Variants in ROBO2 observed in about 807,000 individuals in gnomAD.
ROBO2 encodes the protein roundabout homolog 2.
ROBO2 carries 53 observed loss-of-function variants against 160.8 expected under a neutral mutation model. The ratio of observed to expected loss-of-function variants is 0.33; its 90% CI spans 0.26 to 0.41. The LOEUF (loss-of-function observed/expected upper bound fraction) is 0.41, where lower values mean the gene tolerates loss of function less well. Among genes scored for constraint, ROBO2 ranks in the 10% least tolerant of loss-of-function variants. The pLI is 1.00. For synonymous variants in ROBO2, 664 were observed against 611.7 expected (o/e 1.09, Z -1.26); for missense variants, 1,577 against 1,722.4 (o/e 0.92, Z 1.49).
intron 5 of ROBO2, among the ~76,000 whole-genome samples, chr3:77,495,951 T>C (rs2086729026): frequency 6.6e-6 from 1 of 152,226 alleles, no homozygotes; most frequent in Non-Finnish European, 1.5e-5. Flanking sequence ...ACCTGACAAC[T>C]TAAGCTGCTA....
chr3:76,437,663 T>G (rs974105143), intron 2 of ROBO2, among the ~76,000 whole-genome samples: 1 of 152,184 alleles, frequency 6.6e-6, no homozygotes, highest in South Asian at 2.1e-4. Flanking sequence ...AATTCCCCTT[T>G]GTAAACAAAG....
At chr3:76,132,939 C>T (rs531707341) in intron 2 of ROBO2, among the ~76,000 whole-genome samples, 1 of 152,200 alleles carries the variant, frequency 6.6e-6, no homozygotes. Flanking sequence ...AGTCTGGCTG[C>T]GACCCTTGGA....
intron 2 of ROBO2, among the ~76,000 whole-genome samples, chr3:76,534,732 G>A (rs553112275): frequency 5.3e-5 from 8 of 152,086 alleles, no homozygotes; most frequent in Admixed American, 6.5e-5. Flanking sequence ...TTATGAACAC[G>A]GGGTATATGA....
chr3:76,978,331 A>C (rs2149313648), intron 2 of ROBO2, among the ~76,000 whole-genome samples: 1 of 152,318 alleles, frequency 6.6e-6, no homozygotes, highest in South Asian at 2.1e-4. Context: ...CAATGCAAAT[A>C]TTTATATTAT....
chr3:77,258,636 A>AG (rs1386967501), intron 2 of ROBO2, among the ~76,000 whole-genome samples: 3 of 108,860 alleles, frequency 2.8e-5, no homozygotes, highest in African/African-American at 8.4e-5. Flanking sequence ...AAAAAAAAAA[A>AG]GGAAGAAAAA....
intron 13 of ROBO2, 25 bp downstream of exon 14, chr3:77,568,459 T>C (rs2153666111): frequency 1.2e-6 from 2 of 1,612,142 alleles, no homozygotes; most frequent in South Asian, 1.1e-5. Context: ...GCAATGTTAA[T>C]AGTAATCTCT....
At chr3:76,700,448 C>T (rs985812121) in intron 2 of ROBO2, among the ~76,000 whole-genome samples, 13 of 152,046 alleles carry the variant, frequency 8.6e-5, no homozygotes, top group African/African-American at 3.1e-4. Context: ...CAGAGAGACA[C>T]CAGTATATAT....
chr3:77,388,765 G>A (rs777065497), intron 2 of ROBO2, among the ~76,000 whole-genome samples: 15 of 152,054 alleles, frequency 9.9e-5, no homozygotes, highest in Non-Finnish European at 1.6e-4. Context: ...ATAGTAAATT[G>A]ACTGTAAATT....
intron 2 of ROBO2, among the ~76,000 whole-genome samples, chr3:76,818,447 T>C (rs578141240): frequency 6.6e-6 from 1 of 152,164 alleles, no homozygotes; most frequent in Non-Finnish European, 1.5e-5. Context: ...CTGTGGGTTG[T>C]CTTTTTACTC....
chr3:76,483,990 C>T (rs1243021895), intron 2 of ROBO2, among the ~76,000 whole-genome samples: 3 of 152,122 alleles, frequency 2.0e-5, no homozygotes, highest in Non-Finnish European at 2.9e-5. Context: ...GTTGATTACA[C>T]GTCTTTGCTA....
intron 2 of ROBO2, among the ~76,000 whole-genome samples, chr3:75,948,993 C>T (rs2107167287): frequency 6.6e-6 from 1 of 151,982 alleles, no homozygotes; most frequent in South Asian, 2.1e-4. Flanking sequence ...AAATAATGCA[C>T]CCTGAGGATT....
chr3:77,166,767 G>C (rs2079127619), intron 2 of ROBO2, among the ~76,000 whole-genome samples: 1 of 152,040 alleles, frequency 6.6e-6, no homozygotes, highest in African/African-American at 2.4e-5. Flanking sequence ...TCACCGGTTA[G>C]CCAGGATGGT....
chr3:76,191,599 G>T (rs978468153), intron 2 of ROBO2, among the ~76,000 whole-genome samples: 1 of 151,792 alleles, frequency 6.6e-6, no homozygotes, highest in South Asian at 2.1e-4. Flanking sequence ...ACTACCTTTA[G>T]TTCAATTCTG....
chr3:76,978,268 C>T (rs1425758189), intron 2 of ROBO2, among the ~76,000 whole-genome samples: 2 of 152,142 alleles, frequency 1.3e-5, no homozygotes, highest in Non-Finnish European at 2.9e-5. Flanking sequence ...TCTTAAGTAA[C>T]AACTAATTGC....
chr3:77,312,730 A>C (rs2153423750), intron 2 of ROBO2, among the ~76,000 whole-genome samples: 1 of 152,344 alleles, frequency 6.6e-6, no homozygotes, highest in Non-Finnish European at 1.5e-5. Flanking sequence ...GGGTACACAT[A>C]GTTTGCACTA....
chr3:76,077,448 A>C (rs2068680162), intron 2 of ROBO2, among the ~76,000 whole-genome samples: 1 of 152,146 alleles, frequency 6.6e-6, no homozygotes, highest in Non-Finnish European at 1.5e-5. Context: ...CTGTAGTCCC[A>C]GGTACTCAGG....
At chr3:77,191,676 T>C (rs1253118739) in intron 2 of ROBO2, among the ~76,000 whole-genome samples, 2 of 152,328 alleles carry the variant, frequency 1.3e-5, no homozygotes, top group East Asian at 1.9e-4. Flanking sequence ...GCTAATGCTG[T>C]TCCATTTAGT....
At chr3:76,446,347 C>T (rs2077180930) in intron 2 of ROBO2, among the ~76,000 whole-genome samples, 1 of 152,118 alleles carries the variant, frequency 6.6e-6, no homozygotes, top group Non-Finnish European at 1.5e-5. Context: ...TATGAAGGAC[C>T]TCTTCAAGGA....
At chr3:75,954,703 C>T (rs1443860260) in intron 2 of ROBO2, among the ~76,000 whole-genome samples, 1 of 151,728 alleles carries the variant, frequency 6.6e-6, no homozygotes, top group Non-Finnish European at 1.5e-5. Flanking sequence ...TCATCATTTG[C>T]CAAGGATAGT....
Sources: gnomAD v4.1 joint callset for allele counts (sites outside exome capture counted in the v4.1 genomes callset) on GRCh38, gnomAD v4.1.1 for gene constraint, MANE v1.5 for transcripts, NCBI Gene and HGNC (gene_info 2026-07-23, HGNC 2026-07-21) for gene names.